ELAPOR2: variants seen among roughly 807,000 people sequenced by gnomAD.
ELAPOR2 encodes endosome-lysosome associated apoptosis and autophagy regulator family member 2.
In ELAPOR2, 89 loss-of-function variants were observed where a neutral mutation model predicts 120.7. That is an observed-to-expected ratio of 0.74 (90% CI 0.62 to 0.88). The LOEUF (loss-of-function observed/expected upper bound fraction) is 0.88, where lower values mean the gene tolerates loss of function less well. Ranked by LOEUF, ELAPOR2 falls within the 40% of genes least tolerant of loss-of-function variation. The pLI is 0.00. For missense variants in ELAPOR2, 1,134 were observed against 1,251.6 expected, an observed-to-expected ratio of 0.91 and a Z score of 1.42; for synonymous variants, 444 against 444.9, an observed-to-expected ratio of 1.00 and a Z score of 0.03.
chr7:86,956,026 C>T (rs1030897194), intron 2 of ELAPOR2, among the ~76,000 whole-genome samples: 7 of 151,300 alleles, frequency 4.6e-5, no homozygotes, highest in Middle Eastern at 3.4e-3. Flanking sequence ...AAAAAAAGAA[C>T]TCTGCCTTAA....
intron 21 of ELAPOR2, among the ~76,000 whole-genome samples, chr7:86,887,956 C>T (rs1799770162): frequency 6.6e-6 from 1 of 152,030 alleles, no homozygotes; most frequent in South Asian, 2.1e-4. Flanking sequence ...CTGGATTCTG[C>T]CTCACCAATC....
At chr7:86,894,390 C>A (rs1788338442) in intron 19 of ELAPOR2, among the ~76,000 whole-genome samples, 1 of 152,004 alleles carries the variant, frequency 6.6e-6, no homozygotes, top group East Asian at 1.9e-4. Flanking sequence ...CAGAGAGAAA[C>A]AAATTCGTCA....
intron 1 of ELAPOR2, among the ~76,000 whole-genome samples, chr7:87,012,212 C>T (rs940572986): frequency 3.9e-5 from 6 of 152,150 alleles, no homozygotes; most frequent in East Asian, 1.9e-4. Flanking sequence ...GAGATTGAGA[C>T]CATCCTGGCC....
chr7:87,055,783 TTTAAA>T (rs767101172), intron 1 of ELAPOR2, among the ~76,000 whole-genome samples: 6 of 152,196 alleles, frequency 3.9e-5, no homozygotes, highest in Non-Finnish European at 5.9e-5. Context: ...AATTATATTC[TTTAAA>T]TTACTAATTT....
chr7:86,910,099 C>T, intron 15 of ELAPOR2, 98 bp from the exon 16 acceptor site: 1 of 855,994 alleles, frequency 1.2e-6, no homozygotes, highest in Non-Finnish European at 1.8e-6. Flanking sequence ...GTGGCTCTCT[C>T]CTCACTGCAA....
At chr7:87,030,983 G>T (rs1794405534) in intron 1 of ELAPOR2, among the ~76,000 whole-genome samples, 1 of 152,212 alleles carries the variant, frequency 6.6e-6, no homozygotes, top group South Asian at 2.1e-4. Context: ...TGAGAGTCAA[G>T]TGAAAGGGGT....
intron 14 of ELAPOR2, 39 bp downstream of exon 14, chr7:86,912,902 G>C: frequency 6.2e-7 from 1 of 1,600,612 alleles, no homozygotes; most frequent in Non-Finnish European, 8.5e-7. Context: ...CTATTAAAAT[G>C]TGCTTTCATG....
chr7:87,008,917 G>A (rs1195527095), intron 1 of ELAPOR2, among the ~76,000 whole-genome samples: 1 of 152,056 alleles, frequency 6.6e-6, no homozygotes, highest in Non-Finnish European at 1.5e-5. Flanking sequence ...TACAAAAAAG[G>A]AATCGGGGAA....
chr7:86,891,747 T>G lies in ELAPOR2; in HGVS notation c.3007A>C (p.Lys1003Gln). 6.2e-7 allele frequency: 1 copy of G among 1,608,862 alleles called. No homozygotes were observed. Among genetic ancestry groups the G allele is most frequent in the Non-Finnish European group, 8.5e-7 (1 of 1,177,756 alleles). Residue 1003 changes from lysine to glutamine, a missense_variant, in exon 21 of 22, where the codon AAA (lysine) becomes CAA (glutamine). Physicochemically the swap from Lys to Gln is moderately conservative, Grantham distance 53 (BLOSUM62 1). Coordinates refer to ENST00000450689, the MANE Select transcript of ELAPOR2 (RefSeq NM_001142749.3). ...VYSNKQSLLG[K>Q]LKSLATKEKE... Reference sequence around the variant, plus strand: ...ACCTTGGTTGCCAAAGATTTGAGTTTTCCTAGTAGTGACTGTTTATTGGAA... The same window carrying G: ...ACCTTGGTTGCCAAAGATTTGAGTTGTCCTAGTAGTGACTGTTTATTGGAA...
intron 1 of ELAPOR2, among the ~76,000 whole-genome samples, chr7:87,057,140 A>G (rs538469394): frequency 6.6e-6 from 1 of 152,322 alleles, no homozygotes; most frequent in East Asian, 1.9e-4. Context: ...GTCTTTATTC[A>G]CAGGCGTTTA....
Position 86,893,077 on chromosome 7 carries a change from T to G in ELAPOR2, c.2709A>C (p.Glu903Asp). Reference sequence around the variant, plus strand: ...AAATTCCTTTAATGCACCATTTAGGTTCATTCCACACATACAAGGTTTCCT... The same window carrying G: ...AAATTCCTTTAATGCACCATTTAGGGTCATTCCACACATACAAGGTTTCCT... ...GFQETLYVWN[E>D]PKWCIKGISL... The change falls in exon 20 of 22, where the codon GAA (glutamate) becomes GAC (aspartate). Residue 903 changes from glutamate (E) to aspartate (D), a missense_variant. By Grantham distance (45) the Glu-to-Asp change is conservative. Transcript: ENST00000450689. 1 of 1,558,614 alleles carries G rather than the reference T, an allele frequency of 6.4e-7. No individual in the cohort carries two copies. The highest frequency in any genetic ancestry group is 8.6e-7 in the Non-Finnish European group (1 of 1,159,926).
At chr7:87,023,739 A>G (rs561101110) in intron 1 of ELAPOR2, among the ~76,000 whole-genome samples, 2 of 151,814 alleles carry the variant, frequency 1.3e-5, no homozygotes, top group African/African-American at 2.4e-5. Flanking sequence ...CTTTTATTTC[A>G]TTGAGCAGTG....
intron 21 of ELAPOR2, among the ~76,000 whole-genome samples, chr7:86,888,433 AC>A (rs1441962332): frequency 6.6e-6 from 1 of 152,072 alleles, no homozygotes; most frequent in Non-Finnish European, 1.5e-5. Flanking sequence ...TTTTAGGGTC[AC>A]CCTGTCACCT....
intron 10 of ELAPOR2, among the ~76,000 whole-genome samples, chr7:86,925,068 A>G (rs930193533): frequency 1.2e-4 from 18 of 152,050 alleles, no homozygotes; most frequent in African/African-American, 3.1e-4. Flanking sequence ...CAAATTTTCA[A>G]TAGGTAGAAT....
At chr7:86,958,866 G>C (rs1337433355) in intron 2 of ELAPOR2, among the ~76,000 whole-genome samples, 1 of 152,094 alleles carries the variant, frequency 6.6e-6, no homozygotes, top group Non-Finnish European at 1.5e-5. Flanking sequence ...TCCATTTCTA[G>C]AGATTCTTGA....
chr7:86,950,408 C>T (rs1178861798), intron 2 of ELAPOR2, among the ~76,000 whole-genome samples: 1 of 152,144 alleles, frequency 6.6e-6, no homozygotes, highest in Non-Finnish European at 1.5e-5. Flanking sequence ...TTTGGGGATA[C>T]CAGACCTGGA....
intron 1 of ELAPOR2, among the ~76,000 whole-genome samples, chr7:86,970,142 T>C (rs1414144706): frequency 1.3e-5 from 2 of 152,146 alleles, no homozygotes; most frequent in Admixed American, 6.6e-5. Flanking sequence ...ATCAGCTCCC[T>C]GATTGCTCCC....
At chr7:86,936,744 A>G (rs1274357450) in intron 8 of ELAPOR2, among the ~76,000 whole-genome samples, 6 of 152,094 alleles carry the variant, frequency 3.9e-5, no homozygotes, top group African/African-American at 1.4e-4. Flanking sequence ...CATTTAATAT[A>G]CGGTCTTGCA....
chr7:86,971,553 G>A (rs1222244566), intron 1 of ELAPOR2, among the ~76,000 whole-genome samples: 1 of 152,074 alleles, frequency 6.6e-6, no homozygotes, highest in Admixed American at 6.6e-5. Context: ...CACATGCATC[G>A]TTCTATTATC....
Sources: gnomAD v4.1 joint callset for allele counts (sites outside exome capture counted in the v4.1 genomes callset) on GRCh38, gnomAD v4.1.1 for gene constraint, MANE v1.5 for transcripts, NCBI Gene and HGNC (gene_info 2026-07-23, HGNC 2026-07-21) for gene names.